KLHDC10: variants seen among roughly 807,000 people sequenced by gnomAD.
KLHDC10 encodes the protein kelch domain containing 10, also known as kelch domain-containing protein 10.
KLHDC10 carries 24 observed loss-of-function variants against 56.1 expected under a neutral mutation model. The observed-to-expected ratio is 0.43, with a 90% CI of 0.31 to 0.60. KLHDC10 has a LOEUF of 0.60. KLHDC10 is among the 20% of genes least tolerant of loss of function. The pLI is 0.11. For missense variants in KLHDC10, 349 were observed against 567.0 expected (o/e 0.62, Z 3.91); for synonymous variants, 188 against 207.1 (o/e 0.91, Z 0.79).
intron 2 of KLHDC10, among the ~76,000 whole-genome samples, chr7:130,108,374 G>A (rs942122696): frequency 2.0e-5 from 3 of 152,014 alleles, no homozygotes; most frequent in Non-Finnish European, 2.9e-5. Flanking sequence ...AGAACTTCCG[G>A]TTTAATTGCA....
chr7:130,130,105 A>G lies in KLHDC10; in HGVS notation c.1120-432A>G, dbSNP rs1584642757. Among the ~76,000 whole-genome samples, 1 of 152,084 alleles carries G rather than the reference A, an allele frequency of 6.6e-6. No homozygotes were observed. Among genetic ancestry groups the G allele is most frequent in the Non-Finnish European group, 1.5e-5 (1 of 68,014 alleles). On this transcript the variant is annotated intron_variant, in intron 9 of 9. Coordinates refer to ENST00000335420, the MANE Select transcript of KLHDC10 (RefSeq NM_014997.4). The surrounding 1 kb of genome is among the most constrained non-coding windows in gnomAD (Gnocchi z 4.2). Reference sequence around the variant, plus strand: ...GCCAAGGTGGGCGGATCACGAGGTCAGGAGATTGAGACCATCCTGGCTAAC... The same window carrying G: ...GCCAAGGTGGGCGGATCACGAGGTCGGGAGATTGAGACCATCCTGGCTAAC...
chr7:130,086,939 T>A (rs894040525), intron 1 of KLHDC10, among the ~76,000 whole-genome samples: 4 of 152,284 alleles, frequency 2.6e-5, no homozygotes, highest in Non-Finnish European at 5.9e-5. Context: ...TACATCCTTA[T>A]GTTTTATCCC....
At chr7:130,126,077 A>C in intron 7 of KLHDC10, 146 bp downstream of exon 7, 5 of 636,826 alleles carry the variant, frequency 7.9e-6, no homozygotes, top group Non-Finnish European at 1.3e-5. Context: ...CTATAATCTC[A>C]GCACTTTGGG....
At chr7:130,100,794 C>G (rs912280680) in intron 2 of KLHDC10, among the ~76,000 whole-genome samples, 13 of 152,068 alleles carry the variant, frequency 8.5e-5, no homozygotes, top group Admixed American at 2.0e-4. Context: ...TCACTAGATT[C>G]CTCTTCACTA....
Position 130,097,028 on chromosome 7 carries a change from G to A in KLHDC10, c.253+21G>A, listed in dbSNP as rs995530951. The A allele has an allele frequency of 4.5e-6, 7 of 1,547,788 alleles. No homozygotes were observed. The Admixed American group carries it at 6.8e-5, about 15-fold the overall frequency. Reference sequence around the variant, plus strand: ...GAGAGGTGGGTGATAATTAGCAAGAGATCTGTGCTTCGTATGGGTTAAAGG... The same window carrying A: ...GAGAGGTGGGTGATAATTAGCAAGAAATCTGTGCTTCGTATGGGTTAAAGG... On this transcript the variant is annotated intron_variant, in intron 2 of 9. Transcript: ENST00000335420.
Position 130,122,042 on chromosome 7 carries a change from C to T in KLHDC10, c.631-12C>T. 1.9e-6 allele frequency: 3 copies of T among 1,607,166 alleles called. No individual in the cohort carries two copies. Among genetic ancestry groups the T allele is most frequent in the South Asian group, 1.1e-5 (1 of 89,446 alleles). ...AACAAGTCGGTCTTATTCACCTTTC[C>T]TTGTTATCCAGGCTATGGCCATCAT... On this transcript the variant is annotated splice_polypyrimidine_tract_variant and intron_variant, in intron 4 of 9. Transcript: ENST00000335420.
At chr7:130,082,438 G>T (rs1310835754) in intron 1 of KLHDC10, among the ~76,000 whole-genome samples, 1 of 152,180 alleles carries the variant, frequency 6.6e-6, no homozygotes, top group East Asian at 1.9e-4. Flanking sequence ...TTTATCAAGT[G>T]TTCATTTAAT....
At chr7:130,079,958 C>A (rs1423997280) in intron 1 of KLHDC10, among the ~76,000 whole-genome samples, 2 of 139,812 alleles carry the variant, frequency 1.4e-5, no homozygotes, top group Non-Finnish European at 3.1e-5. Flanking sequence ...TCCTCCCTTT[C>A]TTCCTCCCTC....
intron 2 of KLHDC10, among the ~76,000 whole-genome samples, chr7:130,115,872 C>T (rs954697224): frequency 1.1e-4 from 17 of 151,902 alleles, no homozygotes; most frequent in East Asian, 1.9e-4. Context: ...CCATAATATC[C>T]GGGATGTTAT....
rs1456861305 is a variant in KLHDC10 at position 130,133,480 on chromosome 7, C to T, written c.*2734C>T. 1 of 152,168 alleles carries T rather than the reference C, an allele frequency of 6.6e-6. No homozygotes were observed. The highest frequency in any genetic ancestry group is 6.5e-5 in the Admixed American group (1 of 15,280). 9.4% of individuals were successfully genotyped at this position (152,168 alleles called of 1,614,324 possible). ...GCATCTTGGGGAAGTGAGCTCATTA[C>T]TTTAGGTTCAAATTATGCCAAGAAT... On this transcript the variant is annotated 3_prime_UTR_variant, in exon 10 of 10. Coordinates refer to ENST00000335420, the MANE Select transcript of KLHDC10 (RefSeq NM_014997.4).
intron 2 of KLHDC10, among the ~76,000 whole-genome samples, chr7:130,109,282 T>A (rs866347515): frequency 1.3e-5 from 2 of 151,780 alleles, no homozygotes; most frequent in African/African-American, 4.8e-5. Flanking sequence ...TCACCCAGGC[T>A]GAAGTGCAGG....
intron 2 of KLHDC10, among the ~76,000 whole-genome samples, chr7:130,106,828 G>A (rs891239313): frequency 9.9e-5 from 15 of 152,030 alleles, no homozygotes; most frequent in African/African-American, 3.4e-4. Context: ...AAAATTAGCC[G>A]GGCGTGGTGG....
In KLHDC10 at chr7:130,116,645, C is replaced by T. The variant is rs777852524; in HGVS notation, c.454C>T (p.Arg152Trp). 4.3e-6 allele frequency: 7 copies of T among 1,613,986 alleles called. No homozygotes were observed. The highest frequency in any genetic ancestry group is 5.1e-6 in the Non-Finnish European group (6 of 1,179,942). The change falls in exon 3 of 10, where the codon CGG becomes TGG. Residue 152 changes from arginine (R) to tryptophan (W), a missense_variant. This residue lies in a region of KLHDC10 where 245 missense variants were observed against 470.1 expected (regional missense o/e 0.52). Transcript: ENST00000335420. The surrounding 1 kb of genome is among the most constrained non-coding windows in gnomAD (Gnocchi z 4.8). ...GATGGGCACAGATGGCTACATGCCC[C>T]GGGAATTGGCATCTATGTCACGTGA... ...HQMGTDGYMP[R>W]ELASMSLVLH...
chr7:130,124,624 A>G, intron 6 of KLHDC10, 89 bp downstream of exon 6: 4 of 716,542 alleles, frequency 5.6e-6, no homozygotes, highest in Non-Finnish European at 9.9e-6. Flanking sequence ...GTTACTTTGG[A>G]TATTTTAATT....
chr7:130,130,276 T>C lies in KLHDC10; in HGVS notation c.1120-261T>C, dbSNP rs963094763. On this transcript the variant is annotated intron_variant, in intron 9 of 9. Transcript: ENST00000335420. This position sits in a 1 kb window ranked among gnomAD's most constrained non-coding sequence, Gnocchi z 4.2. The stretch of plus-strand genomic sequence containing the variant: ...CGGAGAGCTTGCAGTGAGCTGAAAT[T>C]GCGCCACTGCACTCCAGCCTGGGCG... 1.3e-5 allele frequency among the ~76,000 whole-genome samples: 2 copies of C among 149,930 alleles called. No homozygotes were observed. The highest frequency in any genetic ancestry group is 3.0e-5 in the Non-Finnish European group (2 of 67,768).
Position 130,116,495 on chromosome 7 carries a change from A to G in KLHDC10, c.304A>G (p.Thr102Ala). The G allele has an allele frequency of 6.2e-7, 1 of 1,614,166 alleles. No individual in the cohort carries two copies. The highest frequency in any genetic ancestry group is 8.5e-7 in the Non-Finnish European group (1 of 1,180,032). Residue 102 changes from threonine to alanine, a missense_variant, in exon 3 of 10, where the codon ACC becomes GCC. This residue lies in a region of KLHDC10 where 245 missense variants were observed against 470.1 expected (regional missense o/e 0.52). Transcript: ENST00000335420. The surrounding 1 kb of genome is among the most constrained non-coding windows in gnomAD (Gnocchi z 4.8). ...RSGHRCVADN[T>A]NLYVFGGYNP... is the part of the protein sequence containing the mutation. The stretch of plus-strand genomic sequence containing the variant: ...TGGACATCGTTGTGTGGCAGATAAT[A>G]CCAACCTATATGTGTTTGGAGGTTA...
chr7:130,087,885 C>T (rs932522171), intron 1 of KLHDC10, among the ~76,000 whole-genome samples: 13 of 150,802 alleles, frequency 8.6e-5, no homozygotes, highest in African/African-American at 2.7e-4. Flanking sequence ...CTCAGCCTCC[C>T]GAGTAGCTGG....
chr7:130,105,862 A>G (rs1282017049), intron 2 of KLHDC10, among the ~76,000 whole-genome samples: 3 of 152,180 alleles, frequency 2.0e-5, no homozygotes, highest in African/African-American at 7.2e-5. Flanking sequence ...TAATTTGTAC[A>G]TTTAAGGCCG....
At position 130,104,299 on chromosome 7, in the gene KLHDC10, A is replaced by T. The variant is rs193172409; in HGVS notation, c.253+7292A>T. On this transcript the variant is annotated intron_variant, in intron 2 of 9. Coordinates refer to ENST00000335420, the MANE Select transcript of KLHDC10 (RefSeq NM_014997.4). ...GTGCAGTTCAAATTCATTTTGTTCA[A>T]GGGTCAACTGTATAACATTCTGTAA... Among the ~76,000 whole-genome samples, 9 of 152,292 alleles carry T rather than the reference A, an allele frequency of 5.9e-5. No individual in the cohort carries two copies. The East Asian group carries it at 1.7e-3, about 29-fold the overall frequency.
Sources: gnomAD v4.1 joint callset for allele counts (sites outside exome capture counted in the v4.1 genomes callset) on GRCh38, gnomAD v4.1.1 for gene constraint, gnomAD v4.1.1 regional missense constraint, Gnocchi (gnomAD v3.1) non-coding constraint, MANE v1.5 for transcripts, NCBI Gene and HGNC (gene_info 2026-07-23, HGNC 2026-07-21) for gene names.